Variants in LMF1 observed in about 807,000 individuals in gnomAD.
LMF1 encodes transmembrane protein 112.
A neutral mutation model predicts 60.6 loss-of-function variants in LMF1; 68 were observed. The ratio of observed to expected loss-of-function variants is 1.12; its 90% CI spans 0.92 to 1.37. LMF1 has a LOEUF of 1.37. Among genes scored for constraint, LMF1 ranks in the 40% most tolerant of loss-of-function variants. The pLI, the probability that LMF1 is intolerant of heterozygous loss-of-function variation, is 0.00. For missense variants in LMF1, 948 were observed against 767.2 expected, an observed-to-expected ratio of 1.24 and a Z score of -2.78; for synonymous variants, 418 against 324.7, an observed-to-expected ratio of 1.29 and a Z score of -3.09.
In LMF1 at chr16:854,285, G is replaced by C. The variant is rs894187106; in HGVS notation, c.*247C>G. 2.8e-5 allele frequency: 19 copies of C among 676,860 alleles called. 1 individual carries two copies. Among genetic ancestry groups the C allele is most frequent in the Non-Finnish European group, 4.9e-5 (18 of 370,056 alleles). The allele number at this position is 676,860 out of a possible 1,614,324, so 41.9% of individuals were successfully genotyped here. The stretch of plus-strand genomic sequence containing the variant: ...TGGGAGGAGGGTGGGATGGATGGGA[G>C]ATCAGAGCCCCTGGCGCCTGGGACA... On this transcript the variant is annotated 3_prime_UTR_variant, in exon 11 of 11. Coordinates refer to ENST00000262301, the MANE Select transcript of LMF1 (RefSeq NM_022773.4).
chr16:957,473 T>C (rs952944269), intron 1 of LMF1, among the ~76,000 whole-genome samples: 1 of 152,230 alleles, frequency 6.6e-6, no homozygotes, highest in African/African-American at 2.4e-5. Context: ...AGATAGACCA[T>C]GTTCATGGAT....
Position 870,756 on chromosome 16 carries a change from A to G in LMF1, c.1205T>C (p.Ile402Thr). 1 of 1,612,980 alleles carries G rather than the reference A, an allele frequency of 6.2e-7. No homozygotes were observed. Among genetic ancestry groups the G allele is most frequent in the Non-Finnish European group, 8.5e-7 (1 of 1,179,782 alleles). Residue 402 changes from isoleucine to threonine, a missense_variant, in exon 8 of 11, where the codon ATC (isoleucine) becomes ACC (threonine). By Grantham distance (89) the Ile-to-Thr change is moderately conservative. Transcript: ENST00000262301. The stretch of plus-strand genomic sequence containing the variant: ...TCCGAAGGCCCCGTAAGTGTTGACG[A>G]TGTGAAGAGAGTTGAAGTGGGTGTT... ...VMNTHFNSLH[I>T]VNTYGAFGSI...
At chr16:969,576 C>A (rs924812878) in intron 1 of LMF1, among the ~76,000 whole-genome samples, 1 of 152,250 alleles carries the variant, frequency 6.6e-6, no homozygotes, top group African/African-American at 2.4e-5. Flanking sequence ...CTTCTGCAAC[C>A]TGACCCTTTC....
Position 879,555 on chromosome 16 carries a change from G to A in LMF1, c.897+15C>T, listed in dbSNP as rs2070097982. 2 of 1,611,342 alleles carry A rather than the reference G, an allele frequency of 1.2e-6. No homozygotes were observed. ...TCTCTGTGGACACGGGGCAGGGCGG[G>A]CGGCGCGGGCTCACCTGGAACAGGA... On this transcript the variant is annotated intron_variant, in intron 6 of 10. Coordinates refer to ENST00000262301, the MANE Select transcript of LMF1 (RefSeq NM_022773.4).
chr16:979,209 G>A (rs2073264885), intron 1 of LMF1: 2 of 415,212 alleles, frequency 4.8e-6, no homozygotes, highest in Non-Finnish European at 9.9e-6. Context: ...CTCAGGCCTA[G>A]TGGCTCACAC....
chr16:862,316 G>C (rs2069489810), intron 10 of LMF1, among the ~76,000 whole-genome samples: 3 of 151,804 alleles, frequency 2.0e-5, no homozygotes, highest in Non-Finnish European at 2.9e-5. Context: ...GCTAATTTTT[G>C]TATTTTTAGC....
exon 1 of LMF1, chr16:981,282 CTGTGTG>C (rs71142797): frequency 5.5e-4 from 172 of 310,338 alleles, no homozygotes; most frequent in Middle Eastern, 2.1e-3. Flanking sequence ...GCGAGACGGG[CTGTGTG>C]TGTGTGTGTG....
chr16:879,665 G>C lies in LMF1; in HGVS notation c.802C>G (p.Leu268Val). ...AGGAGCTCGATGAAGTGGTTGCTGA[G>C]CGTCTCGAAGCGATGGAACCACCAG... ...SPWWFHRFET[L>V]SNHFIELLVP... is the part of the protein sequence containing the mutation. The change falls in exon 6 of 11, where the codon CTC becomes GTC. Residue 268 changes from leucine to valine, a missense_variant. Physicochemically the swap from Leu to Val is conservative, Grantham distance 32. Coordinates refer to ENST00000262301, the MANE Select transcript of LMF1 (RefSeq NM_022773.4). The C allele has an allele frequency of 6.2e-7, 1 of 1,611,268 alleles. No individual in the cohort carries two copies. The highest frequency in any genetic ancestry group is 8.5e-7 in the Non-Finnish European group (1 of 1,178,952).
intron 10 of LMF1, among the ~76,000 whole-genome samples, chr16:864,336 G>C (rs1434173638): frequency 6.6e-6 from 1 of 152,190 alleles, no homozygotes; most frequent in African/African-American, 2.4e-5. Context: ...GAGTTCCACT[G>C]ACAGTTTTTC....
intron 5 of LMF1, among the ~76,000 whole-genome samples, chr16:881,030 C>A (rs2070148129): frequency 6.6e-6 from 1 of 152,214 alleles, no homozygotes; most frequent in Non-Finnish European, 1.5e-5. Context: ...AGGCGGCCCC[C>A]AGACGCTTCA....
chr16:943,950 T>C (rs1453234747), intron 2 of LMF1, among the ~76,000 whole-genome samples: 1 of 152,146 alleles, frequency 6.6e-6, no homozygotes, highest in East Asian at 1.9e-4. Flanking sequence ...CATAACATCA[T>C]TGAGAAGTTA....
chr16:964,830 G>C (rs1451129885), intron 1 of LMF1, among the ~76,000 whole-genome samples: 1 of 152,246 alleles, frequency 6.6e-6, no homozygotes, highest in Non-Finnish European at 1.5e-5. Flanking sequence ...GTGAGACTCA[G>C]AGACACGCTA....
chr16:916,732 T>C (rs2071289518), intron 3 of LMF1, among the ~76,000 whole-genome samples: 1 of 152,210 alleles, frequency 6.6e-6, no homozygotes, highest in Non-Finnish European at 1.5e-5. Flanking sequence ...TGTGACCATG[T>C]TTGAAAAAGC....
At position 878,874 on chromosome 16, in the gene LMF1, A is replaced by C. The variant is rs1310290834; in HGVS notation, c.897+696T>G. Reference sequence around the variant, plus strand: ...TGTATGTTACACCTCCATTGAAACAATCGAGAGAGAGAACCACCTTTAAAA... The same window carrying C: ...TGTATGTTACACCTCCATTGAAACACTCGAGAGAGAGAACCACCTTTAAAA... On this transcript the variant is annotated intron_variant, in intron 6 of 10. Transcript: ENST00000262301. This position sits in a 1 kb window ranked among gnomAD's most constrained non-coding sequence, Gnocchi z 5.2. Among the ~76,000 whole-genome samples, 1 of 152,326 alleles carries C rather than the reference A, an allele frequency of 6.6e-6. No individual in the cohort carries two copies. Among genetic ancestry groups the C allele is most frequent in the African/African-American group, 2.4e-5 (1 of 41,570 alleles).
chr16:937,279 G>A (rs990979528), intron 2 of LMF1, among the ~76,000 whole-genome samples: 1 of 152,196 alleles, frequency 6.6e-6, no homozygotes, highest in Non-Finnish European at 1.5e-5. Context: ...TGGAACTCAC[G>A]TTAGAAGATA....
At chr16:860,572 G>C (rs7199249) in intron 10 of LMF1, among the ~76,000 whole-genome samples, 2,552 of 152,110 alleles carry the variant, frequency 0.017, 95 homozygotes, top group African/African-American at 0.058. Flanking sequence ...AACTCCTGAG[G>C]TCAAGCAATC....
chr16:935,863 G>T (rs1458437575), intron 2 of LMF1, among the ~76,000 whole-genome samples: 1 of 152,128 alleles, frequency 6.6e-6, no homozygotes, highest in African/African-American at 2.4e-5. Context: ...TACGATAAAA[G>T]CACAGCAAAG....
intron 1 of LMF1, among the ~76,000 whole-genome samples, chr16:977,999 C>G (rs1166714259): frequency 7.2e-6 from 1 of 139,368 alleles, no homozygotes; most frequent in Admixed American, 7.2e-5. Flanking sequence ...CACGCACACA[C>G]ACACACCACA....
intron 1 of LMF1, among the ~76,000 whole-genome samples, chr16:956,646 C>A (rs1357959321): frequency 2.0e-5 from 3 of 151,258 alleles, no homozygotes; most frequent in African/African-American, 7.3e-5. Context: ...GAGTTTGAGA[C>A]CAGCCTGGGC....
Sources: gnomAD v4.1 joint callset for allele counts (sites outside exome capture counted in the v4.1 genomes callset) on GRCh38, gnomAD v4.1.1 for gene constraint, Gnocchi (gnomAD v3.1) non-coding constraint, MANE v1.5 for transcripts, NCBI Gene and HGNC (gene_info 2026-07-23, HGNC 2026-07-21) for gene names.